Variants in PPFIA2 observed in about 807,000 individuals in gnomAD.
The protein encoded by PPFIA2 is liprin-alpha-2.
In PPFIA2, 46 loss-of-function variants were observed where a neutral mutation model predicts 175.5. That is an observed-to-expected ratio of 0.26 (90% CI 0.21 to 0.34). PPFIA2 has a LOEUF of 0.34. Ranked by LOEUF, PPFIA2 falls within the 10% of genes least tolerant of loss-of-function variation. The pLI is 1.00. For missense variants in PPFIA2, 1,179 were observed against 1,506.1 expected (o/e 0.78, Z 3.60); for synonymous variants, 568 against 511.4 (o/e 1.11, Z -1.49).
intron 7 of PPFIA2, among the ~76,000 whole-genome samples, chr12:81,428,512 T>A (rs2047542392): frequency 6.6e-6 from 1 of 151,974 alleles, no homozygotes; most frequent in Non-Finnish European, 1.5e-5. Flanking sequence ...AACAGTACAA[T>A]CATCAACAGC....
chr12:81,324,034 A>C (rs552975486), intron 22 of PPFIA2, among the ~76,000 whole-genome samples: 18 of 152,196 alleles, frequency 1.2e-4, no homozygotes, highest in Admixed American at 1.1e-3. Context: ...TGTTCTTAAT[A>C]TTCTTCTTAA....
chr12:81,501,046 T>C (rs904107703), intron 4 of PPFIA2, among the ~76,000 whole-genome samples: 2 of 152,172 alleles, frequency 1.3e-5, no homozygotes, highest in Admixed American at 6.5e-5. Context: ...AGCCCTACTG[T>C]TAGCACTCTG....
chr12:81,316,065 T>C (rs2052279140), intron 22 of PPFIA2, among the ~76,000 whole-genome samples: 1 of 151,584 alleles, frequency 6.6e-6, no homozygotes. Context: ...ACCAAAGATA[T>C]TTAATTTTAT....
At chr12:81,407,280 T>A (rs2043102366) in intron 7 of PPFIA2, among the ~76,000 whole-genome samples, 1 of 151,816 alleles carries the variant, frequency 6.6e-6, no homozygotes. Context: ...AGGTCAGGAG[T>A]TCATGACCAC....
intron 4 of PPFIA2, among the ~76,000 whole-genome samples, chr12:81,588,621 G>C (rs755731896): frequency 1.1e-4 from 17 of 151,954 alleles, no homozygotes; most frequent in Non-Finnish European, 2.4e-4. Context: ...TCCTTCACTA[G>C]AAATATTAAA....
At chr12:81,492,403 A>T (rs780883689) in intron 4 of PPFIA2, among the ~76,000 whole-genome samples, 2 of 151,934 alleles carry the variant, frequency 1.3e-5, no homozygotes, top group African/African-American at 4.8e-5. Context: ...TGCAGGGATG[A>T]TAGTGGGGTT....
intron 2 of PPFIA2, among the ~76,000 whole-genome samples, chr12:81,756,340 C>A (rs150654268): frequency 2.5e-4 from 38 of 152,212 alleles, no homozygotes; most frequent in African/African-American, 9.1e-4. Flanking sequence ...TCACTCAGAA[C>A]AACTTTAAAT....
intron 3 of PPFIA2, among the ~76,000 whole-genome samples, chr12:81,748,152 AT>A (rs2083291841): frequency 6.9e-6 from 1 of 144,070 alleles, no homozygotes; most frequent in South Asian, 2.3e-4. Flanking sequence ...ATCCCTGACC[AT>A]TCTTTCTCTT....
At chr12:81,266,063 G>A (rs1485429604) in intron 30 of PPFIA2, among the ~76,000 whole-genome samples, 1 of 152,096 alleles carries the variant, frequency 6.6e-6, no homozygotes, top group African/African-American at 2.4e-5. Flanking sequence ...CACCATAAAG[G>A]ACAGAGTGGA....
At chr12:81,357,756 C>T (rs2061060402) in intron 16 of PPFIA2, among the ~76,000 whole-genome samples, 1 of 152,058 alleles carries the variant, frequency 6.6e-6, no homozygotes, top group Non-Finnish European at 1.5e-5. Flanking sequence ...AACATAGGCC[C>T]AAGTTTTGAC....
intron 3 of PPFIA2, among the ~76,000 whole-genome samples, chr12:81,702,137 T>C (rs2076563719): frequency 6.6e-6 from 1 of 152,072 alleles, no homozygotes; most frequent in African/African-American, 2.4e-5. Flanking sequence ...ACCCAGGGCA[T>C]AAGTTCTCAT....
At chr12:81,278,540 C>CAAAAA (rs10623632) in intron 27 of PPFIA2, among the ~76,000 whole-genome samples, 3 of 136,614 alleles carry the variant, frequency 2.2e-5, no homozygotes, top group African/African-American at 5.5e-5. Context: ...ACTCCATCTC[C>CAAAAA]AAAAAAAAAA....
Position 81,642,706 on chromosome 12 carries a change from G to GTATGTATATATTATATACATACAT in PPFIA2, c.303+34084_303+34085insATGTATGTATATAATATATACATA, listed in dbSNP as rs2065266197. 5.6e-5 allele frequency among the ~76,000 whole-genome samples: 2 copies of GTATGTATATATTATATACATACAT among 35,564 alleles called. 1 individual carries two copies. The highest frequency in any genetic ancestry group is 1.6e-3 in the East Asian group (2 of 1,232). 23.3% of individuals were successfully genotyped at this position (35,564 alleles called of 152,430 possible). On this transcript the variant is annotated intron_variant, in intron 4 of 32. Coordinates refer to ENST00000549396, the MANE Select transcript of PPFIA2 (RefSeq NM_003625.5). ...ATCTATTATATACATACATGTATAT[G>GTATGTATATATTATATACATACAT]TATGTATGTATTATATACATACATG...
At chr12:81,516,845 C>A (rs138394008) in intron 4 of PPFIA2, among the ~76,000 whole-genome samples, 2 of 152,154 alleles carry the variant, frequency 1.3e-5, no homozygotes, top group East Asian at 3.9e-4. Context: ...ATAAATGTGC[C>A]CATTCTTATG....
intron 11 of PPFIA2, among the ~76,000 whole-genome samples, chr12:81,370,642 T>C (rs539987413): frequency 1.3e-5 from 2 of 151,876 alleles, no homozygotes; most frequent in Non-Finnish European, 2.9e-5. Context: ...ACAGTTTCCT[T>C]GTAAGCTCAT....
At position 81,398,286 on chromosome 12, in the gene PPFIA2, C is replaced by T. The variant is rs190870751; in HGVS notation, c.762+7501G>A. 2.6e-3 allele frequency among the ~76,000 whole-genome samples: 398 copies of T among 152,188 alleles called. 2 individuals are homozygous for T. Among genetic ancestry groups the T allele is most frequent in the African/African-American group, 9.2e-3 (384 of 41,544 alleles). On this transcript the variant is annotated intron_variant, in intron 8 of 32. Transcript: ENST00000549396. Reference sequence around the variant, plus strand: ...GATTAAATGTTTGCTGAAGACATTACACATGGTGTAACAAAGTTTTCTTTG... The same window carrying T: ...GATTAAATGTTTGCTGAAGACATTATACATGGTGTAACAAAGTTTTCTTTG...
At chr12:81,331,581 C>T (rs1022377177) in intron 21 of PPFIA2, among the ~76,000 whole-genome samples, 3 of 152,028 alleles carry the variant, frequency 2.0e-5, no homozygotes, top group Non-Finnish European at 1.5e-5. Context: ...AAAAGAATTG[C>T]CATTTAGAGG....
intron 22 of PPFIA2, among the ~76,000 whole-genome samples, chr12:81,300,051 A>G (rs1231891548): frequency 2.6e-5 from 4 of 152,216 alleles, no homozygotes; most frequent in Admixed American, 2.6e-4. Context: ...AAATTAAAAT[A>G]TCTTAATAAC....
chr12:81,529,413 C>G (rs1015556763), intron 4 of PPFIA2, among the ~76,000 whole-genome samples: 1 of 151,840 alleles, frequency 6.6e-6, no homozygotes, highest in African/African-American at 2.4e-5. Context: ...TATTTTCAAT[C>G]TTCTATGAGA....
Sources: allele counts gnomAD v4.1 joint callset (sites outside exome capture counted in the v4.1 genomes callset), GRCh38; gene constraint gnomAD v4.1.1; transcripts MANE v1.5; gene names NCBI Gene and HGNC (gene_info 2026-07-23, HGNC 2026-07-21).